The following SYNE2 variants were observed in gnomAD, a reference collection of about 807,000 sequenced individuals.
SYNE2 encodes the protein spectrin repeat containing nuclear envelope protein 2.
In SYNE2, 431 loss-of-function variants were observed where a neutral mutation model predicts 856.3. The ratio of observed to expected loss-of-function variants is 0.50; its 90% CI spans 0.47 to 0.55. The LOEUF (loss-of-function observed/expected upper bound fraction) is 0.55. Among genes scored for constraint, SYNE2 ranks in the 20% least tolerant of loss-of-function variants. The probability of loss-of-function intolerance (pLI) is 0.00; values close to 1 mark genes in which losing one functional copy is unlikely to be tolerated. For synonymous variants in SYNE2, 2,923 were observed against 2,872.3 expected (o/e 1.02, Z -0.56); for missense variants, 8,129 against 8,023.2 (o/e 1.01, Z -0.50).
intron 1 of SYNE2, among the ~76,000 whole-genome samples, chr14:63,827,214 G>A (rs1197232401): frequency 6.6e-6 from 1 of 150,732 alleles, no homozygotes; most frequent in Non-Finnish European, 1.5e-5. Context: ...GGAGGCAGAG[G>A]TTGCAGTGAG....
intron 57 of SYNE2, among the ~76,000 whole-genome samples, chr14:64,086,282 C>A (rs1277781301): frequency 6.6e-5 from 10 of 152,160 alleles, no homozygotes; most frequent in Non-Finnish European, 1.2e-4. Context: ...TAAATTACTT[C>A]GGCACTTTGT....
intron 45 of SYNE2, 101 bp from the exon 46 acceptor site, chr14:64,047,899 C>A: frequency 1.5e-6 from 2 of 1,295,766 alleles, no homozygotes; most frequent in Admixed American, 1.9e-5. Context: ...AGTCTATAAT[C>A]CAAGTAAACA....
At chr14:64,101,345 T>C (rs2097727748) in intron 63 of SYNE2, among the ~76,000 whole-genome samples, 1 of 152,230 alleles carries the variant, frequency 6.6e-6, no homozygotes, top group South Asian at 2.1e-4. Context: ...TATCTCACTG[T>C]GGTTTTAATT....
chr14:64,126,624 T>G lies in SYNE2; in HGVS notation c.13734T>G (p.Leu4578=), dbSNP rs1404350428. Residue 4578 remains leucine (L), a synonymous_variant, in exon 73 of 116, where the codon CTT becomes CTG. Coordinates refer to ENST00000555002, the MANE Select transcript of SYNE2 (RefSeq NM_182914.3). The part of the protein sequence containing the change: ...YETLALELKK[L]YLALSDKKGD... Reference sequence around the variant, plus strand: ...CGCTGGCTCTTGAGTTGAAGAAACTTTATTTAGCGCTAAGTGACAAGAAGG... The same window carrying G: ...CGCTGGCTCTTGAGTTGAAGAAACTGTATTTAGCGCTAAGTGACAAGAAGG... The G allele has an allele frequency of 6.2e-7, 1 of 1,614,178 alleles. No homozygotes were observed. Among genetic ancestry groups the G allele is most frequent in the Admixed American group, 1.7e-5 (1 of 60,006 alleles).
At chr14:63,903,257 C>T (rs1178224780) in intron 1 of SYNE2, among the ~76,000 whole-genome samples, 1 of 152,150 alleles carries the variant, frequency 6.6e-6, no homozygotes, top group Non-Finnish European at 1.5e-5. Flanking sequence ...TAATCTAACA[C>T]TTCGAATTGA....
chr14:63,958,912 T>G (rs2096273373), intron 8 of SYNE2, among the ~76,000 whole-genome samples: 1 of 152,254 alleles, frequency 6.6e-6, no homozygotes, highest in African/African-American at 2.4e-5. Flanking sequence ...CTCAAAGTTT[T>G]GTCCACTAGG....
chr14:64,162,684 AG>A, intron 88 of SYNE2: 1 of 303,168 alleles, frequency 3.3e-6, no homozygotes, highest in South Asian at 3.2e-5. Flanking sequence ...CTGTGGGTAT[AG>A]TAAATTTCAG....
intron 83 of SYNE2, among the ~76,000 whole-genome samples, chr14:64,145,752 A>G (rs1399768878): frequency 1.3e-5 from 2 of 152,212 alleles, no homozygotes; most frequent in African/African-American, 2.4e-5. Flanking sequence ...TATACTTTAC[A>G]TATATTAATA....
intron 48 of SYNE2, 140 bp from the exon 49 acceptor site, chr14:64,055,804 A>G (rs1470126238): frequency 3.4e-6 from 2 of 590,002 alleles, no homozygotes; most frequent in East Asian, 5.7e-5. Flanking sequence ...CATTGTGCAC[A>G]TGTACCCTAA....
intron 49 of SYNE2, among the ~76,000 whole-genome samples, chr14:64,061,896 C>CA (rs978570869): frequency 4.7e-4 from 71 of 152,248 alleles, no homozygotes; most frequent in African/African-American, 1.6e-3. Flanking sequence ...GCCCTCAAGG[C>CA]AAAAAACTGG....
Position 64,165,308 on chromosome 14 carries a change from T to G in SYNE2, c.16503T>G (p.Asp5501Glu), listed in dbSNP as rs1362020977. ...EFEFVLSQFK[D>E]FGVRLESLKG... ...AGTTTGTTCTCTCACAGTTTAAGGA[T>G]TTTGGAGTCCGGCTGGAATCTTTAA... Residue 5501 changes from aspartate (D) to glutamate (E), a missense_variant, in exon 90 of 116, where the codon GAT (aspartate) becomes GAG (glutamate). Physicochemically the swap from Asp to Glu is conservative, Grantham distance 45 (BLOSUM62 2). Transcript: ENST00000555002. 1.2e-6 allele frequency: 2 copies of G among 1,613,662 alleles called. No homozygotes were observed. Among genetic ancestry groups the G allele is most frequent in the Non-Finnish European group, 1.7e-6 (2 of 1,179,614 alleles).
intron 54 of SYNE2, among the ~76,000 whole-genome samples, chr14:64,077,674 A>G (rs61470527): frequency 2.5e-3 from 379 of 152,314 alleles, no homozygotes; most frequent in African/African-American, 8.6e-3. Context: ...GGATTATACA[A>G]AAGCATAAAG....
chr14:64,183,689 A>G (rs1400804593), intron 96 of SYNE2, among the ~76,000 whole-genome samples: 6 of 152,292 alleles, frequency 3.9e-5, no homozygotes, highest in Admixed American at 1.3e-4. Flanking sequence ...CGAGGCTGGC[A>G]GATCACTCGT....
chr14:63,924,601 G>T (rs1324913945), intron 2 of SYNE2, among the ~76,000 whole-genome samples: 2 of 152,058 alleles, frequency 1.3e-5, no homozygotes, highest in Non-Finnish European at 2.9e-5. Flanking sequence ...TTGGTAAGTA[G>T]TTTATTTGTT....
At chr14:63,859,454 C>G (rs1892891962) in intron 1 of SYNE2, among the ~76,000 whole-genome samples, 1 of 151,972 alleles carries the variant, frequency 6.6e-6, no homozygotes. Flanking sequence ...TAAATTTATT[C>G]CTCAGTACTA....
chr14:64,206,139 T>C (rs750693073), intron 100 of SYNE2, among the ~76,000 whole-genome samples: 10 of 152,246 alleles, frequency 6.6e-5, no homozygotes, highest in South Asian at 2.1e-4. Flanking sequence ...TCCAGTTTCA[T>C]GTCTCCCCTT....
chr14:64,066,965 C>T (rs540883050), intron 51 of SYNE2, among the ~76,000 whole-genome samples: 7 of 152,328 alleles, frequency 4.6e-5, no homozygotes, highest in Admixed American at 1.3e-4. Flanking sequence ...CTGGCTAGGG[C>T]CCTGCGCTTA....
intron 1 of SYNE2, among the ~76,000 whole-genome samples, chr14:63,893,750 C>T (rs1378383124): frequency 1.3e-5 from 2 of 152,200 alleles, no homozygotes; most frequent in Non-Finnish European, 2.9e-5. Flanking sequence ...GAATCTGTTT[C>T]ACAGGGCCAG....
intron 43 of SYNE2, among the ~76,000 whole-genome samples, chr14:64,029,348 T>C (rs2097012345): frequency 6.6e-6 from 1 of 152,204 alleles, no homozygotes; most frequent in Non-Finnish European, 1.5e-5. Context: ...AGTTGCTGCT[T>C]TTTGATCAGC....
Sources: allele counts gnomAD v4.1 joint callset (sites outside exome capture counted in the v4.1 genomes callset), GRCh38; gene constraint gnomAD v4.1.1; transcripts MANE v1.5; gene names NCBI Gene and HGNC (gene_info 2026-07-23, HGNC 2026-07-21).